The following ESYT2 variants were observed in gnomAD, a reference collection of about 807,000 sequenced individuals.
ESYT2 encodes the protein extended synaptotagmin-2.
Under a neutral mutation model 107.2 loss-of-function variants are expected in ESYT2, and 54 were observed. The observed-to-expected ratio is 0.50, with a 90% confidence interval of 0.40 to 0.63. The LOEUF (loss-of-function observed/expected upper bound fraction) is 0.63. ESYT2 is among the 30% of genes least tolerant of loss of function. The pLI is 0.00. For missense variants in ESYT2, 1,020 were observed against 1,094.5 expected (o/e 0.93, Z 0.96); for synonymous variants, 491 against 434.1 (o/e 1.13, Z -1.63).
intron 9 of ESYT2, 60 bp downstream of exon 9, chr7:158,764,617 G>T (rs1563636115): frequency 6.5e-7 from 1 of 1,548,570 alleles, no homozygotes; most frequent in East Asian, 2.3e-5. Context: ...ATGAGAGCTT[G>T]GCCATCCCGC....
intron 19 of ESYT2, among the ~76,000 whole-genome samples, chr7:158,738,813 C>T (rs1456957165): frequency 6.6e-6 from 1 of 152,146 alleles, no homozygotes; most frequent in Non-Finnish European, 1.5e-5. Context: ...CTTAGGGGAC[C>T]GTTGTACTTC....
intron 7 of ESYT2, among the ~76,000 whole-genome samples, chr7:158,767,991 T>C (rs1009795682): frequency 6.6e-6 from 1 of 152,216 alleles, no homozygotes; most frequent in Admixed American, 6.5e-5. Context: ...ATTTATAGAA[T>C]ACAAGGTAAA....
intron 10 of ESYT2, 27 bp from the exon 11 acceptor site, chr7:158,761,571 T>C (rs747725278): frequency 6.3e-7 from 1 of 1,589,230 alleles, no homozygotes; most frequent in South Asian, 1.1e-5. Context: ...ACGACAACTT[T>C]AGAACATAGA....
chr7:158,733,171 A>G lies in ESYT2; in HGVS notation c.*1036T>C, dbSNP rs2129471019. Reference sequence around the variant, plus strand: ...TCAAAGGTCCCACATCCTATGTGTGAGGTCACACTGGGGGTTCCTGACAAT... The same window carrying G: ...TCAAAGGTCCCACATCCTATGTGTGGGGTCACACTGGGGGTTCCTGACAAT... On this transcript the variant is annotated 3_prime_UTR_variant, in exon 23 of 23. Transcript: ENST00000275418. 1 of 152,348 alleles carries G rather than the reference A, an allele frequency of 6.6e-6. No homozygotes were observed. The highest frequency in any genetic ancestry group is 1.9e-4 in the East Asian group (1 of 5,184). The allele number at this position is 152,348 out of a possible 1,614,324, so 9.4% of individuals were successfully genotyped here.
rs1239656893 is a variant in ESYT2, at chr7:158,828,794, G to A, written c.330+295C>T. Among the ~76,000 whole-genome samples, 9 of 147,264 alleles carry A rather than the reference G, an allele frequency of 6.1e-5. No homozygotes were observed. The East Asian group carries it at 1.6e-3, about 26-fold the overall frequency. ...GGTCTGCACTCGCCCTAGCGGGCAGGTCGCCAGCAGGCTGGGAGTCGGGGC... is the reference window on the plus strand; with the variant it reads ...GGTCTGCACTCGCCCTAGCGGGCAGATCGCCAGCAGGCTGGGAGTCGGGGC... On this transcript the variant is annotated intron_variant, in intron 1 of 22. Coordinates refer to ENST00000275418, the MANE Select transcript of ESYT2 (RefSeq NM_001367773.1).
chr7:158,733,964 A>G lies in ESYT2; in HGVS notation c.*243T>C. On this transcript the variant is annotated 3_prime_UTR_variant, in exon 23 of 23. Coordinates refer to ENST00000275418, the MANE Select transcript of ESYT2 (RefSeq NM_001367773.1). ...GCTGAGCAGAGTCCACAGACACAAG[A>G]GCTACCGCCGCCCTACTGCACGTTG... 1 of 507,678 alleles carries G rather than the reference A, an allele frequency of 2.0e-6. No individual in the cohort carries two copies. Among genetic ancestry groups the G allele is most frequent in the Non-Finnish European group, 3.5e-6 (1 of 281,880 alleles). 31.4% of individuals were successfully genotyped at this position (507,678 alleles called of 1,614,324 possible).
chr7:158,751,269 A>G (rs1472551178), intron 14 of ESYT2, among the ~76,000 whole-genome samples: 2 of 152,236 alleles, frequency 1.3e-5, no homozygotes, highest in Non-Finnish European at 2.9e-5. Context: ...TTCTCTAAGT[A>G]TAAAATAAAC....
intron 13 of ESYT2, among the ~76,000 whole-genome samples, chr7:158,753,901 C>G (rs1314098009): frequency 6.6e-6 from 1 of 152,188 alleles, no homozygotes; most frequent in Non-Finnish European, 1.5e-5. Context: ...GGATATCCTA[C>G]AAACCCTTCC....
At chr7:158,778,756 T>A (rs894862286) in intron 6 of ESYT2, among the ~76,000 whole-genome samples, 5 of 152,160 alleles carry the variant, frequency 3.3e-5, no homozygotes, top group African/African-American at 1.2e-4. Flanking sequence ...ACAAAACATG[T>A]TTGCAGTTGA....
At chr7:158,743,818 C>T (rs1837303647) in intron 16 of ESYT2, 140 bp from the exon 17 acceptor site, 6 of 958,536 alleles carry the variant, frequency 6.3e-6, no homozygotes, top group Middle Eastern at 5.1e-4. Context: ...GGGTGGCTCA[C>T]GCCTGTAATT....
chr7:158,741,528 C>T lies in ESYT2; in HGVS notation c.2163G>A (p.Leu721=). 6.4e-7 allele frequency: 1 copy of T among 1,569,536 alleles called. No homozygotes were observed. Residue 721 remains leucine (L), a synonymous_variant, in exon 18 of 23, where the codon CTG becomes CTA. Coordinates refer to ENST00000275418, the MANE Select transcript of ESYT2 (RefSeq NM_001367773.1). ...TQELRQRLRQ[L]ENGTTLGQSP... Reference sequence around the variant, plus strand: ...ACATGGTGGCACTTAGTTACTTTTCCAGCTGCCTCAGCCTTTGCCGCAGCT... The same window carrying T: ...ACATGGTGGCACTTAGTTACTTTTCTAGCTGCCTCAGCCTTTGCCGCAGCT...
rs374799778 is a variant in ESYT2 at position 158,734,176 on chromosome 7, C to T, written c.*31G>A. On this transcript the variant is annotated 3_prime_UTR_variant, in exon 23 of 23. Transcript: ENST00000275418. The stretch of plus-strand genomic sequence containing the variant: ...TGTTCCGGGTAGAGGTGGAGAGCTA[C>T]GCTGAAGAGGACGCCTCCTGCCTGC... 170 of 1,613,736 alleles carry T rather than the reference C, an allele frequency of 1.1e-4. No individual in the cohort carries two copies. In the Middle Eastern group the frequency reaches 1.7e-3, roughly 16 times the overall value.
At chr7:158,792,359 A>G (rs1159803213) in intron 4 of ESYT2, among the ~76,000 whole-genome samples, 1 of 133,366 alleles carries the variant, frequency 7.5e-6, no homozygotes, top group East Asian at 2.9e-4. Context: ...CCCCATCTCT[A>G]CAAAAAAAAA....
chr7:158,763,049 C>A, intron 10 of ESYT2, 34 bp downstream of exon 10: 1 of 1,512,596 alleles, frequency 6.6e-7, no homozygotes, highest in Non-Finnish European at 9.2e-7. Context: ...TGACCCCATG[C>A]CCTCCTCCAA....
At chr7:158,827,081 T>A (rs1374969053) in intron 1 of ESYT2, among the ~76,000 whole-genome samples, 3 of 150,346 alleles carry the variant, frequency 2.0e-5, no homozygotes, top group Non-Finnish European at 4.4e-5. Flanking sequence ...GAGAATCTTT[T>A]GAACCCTGGA....
chr7:158,775,912 TTAAA>T (rs1838546024), intron 6 of ESYT2, among the ~76,000 whole-genome samples: 1 of 152,248 alleles, frequency 6.6e-6, no homozygotes, highest in East Asian at 1.9e-4. Context: ...AAAGTATTCC[TTAAA>T]TAATAAGACT....
chr7:158,789,968 G>A (rs2129473292), intron 4 of ESYT2, among the ~76,000 whole-genome samples: 1 of 152,308 alleles, frequency 6.6e-6, no homozygotes, highest in Middle Eastern at 3.4e-3. Flanking sequence ...CGGTGCTGGG[G>A]ACACTGGACA....
At position 158,741,568 on chromosome 7, in the gene ESYT2, GGCA is replaced by G; in HGVS notation, c.2120_2122del (p.Leu707del). On this transcript the variant is annotated inframe_deletion, in exon 18 of 23. Coordinates refer to ENST00000275418, the MANE Select transcript of ESYT2 (RefSeq NM_001367773.1). ...TTGCCGCAGCTCCTGGGTGGCGATG[GGCA>G]GCGAGATGTCCGAGGCGATGCTGGG... is the stretch of plus-strand genomic sequence containing the variant. The G allele has an allele frequency of 6.2e-7, 1 of 1,604,860 alleles. No homozygotes were observed. Among genetic ancestry groups the G allele is most frequent in the Admixed American group, 1.7e-5 (1 of 59,262 alleles).
intron 9 of ESYT2, among the ~76,000 whole-genome samples, chr7:158,764,326 G>A (rs1388597628): frequency 6.6e-6 from 1 of 152,118 alleles, no homozygotes; most frequent in Non-Finnish European, 1.5e-5. Flanking sequence ...AAGCTTGCAA[G>A]GAGGTATATA....
Sources: allele counts gnomAD v4.1 joint callset (sites outside exome capture counted in the v4.1 genomes callset), GRCh38; gene constraint gnomAD v4.1.1; transcripts MANE v1.5; gene names NCBI Gene and HGNC (gene_info 2026-07-23, HGNC 2026-07-21).